ALMS1: variants seen among roughly 807,000 people sequenced by gnomAD.
ALMS1 encodes the protein centrosome-associated protein ALMS1.
Under a neutral mutation model 352.2 loss-of-function variants are expected in ALMS1, and 271 were observed. That is an observed-to-expected ratio of 0.77 (90% CI 0.70 to 0.85). ALMS1 has a LOEUF of 0.85. ALMS1 is among the 40% of genes least tolerant of loss of function. The pLI, the probability that ALMS1 is intolerant of heterozygous loss-of-function variation, is 0.00. For missense variants in ALMS1, 5,445 were observed against 4,870.7 expected (o/e 1.12, Z -3.51); for synonymous variants, 1,865 against 1,761.2 (o/e 1.06, Z -1.48).
At chr2:73,530,984 C>T (rs1673898082) in intron 11 of ALMS1, among the ~76,000 whole-genome samples, 1 of 151,988 alleles carries the variant, frequency 6.6e-6, no homozygotes, top group Admixed American at 6.5e-5. Flanking sequence ...AACCATTTTT[C>T]CCTCCTAGGC....
At chr2:73,497,874 C>G (rs896782808) in intron 10 of ALMS1, among the ~76,000 whole-genome samples, 2 of 151,798 alleles carry the variant, frequency 1.3e-5, no homozygotes, top group African/African-American at 4.8e-5. Flanking sequence ...TTAATGTCTT[C>G]TTTTTCTAGG....
chr2:73,543,849 A>G (rs1383003450), intron 12 of ALMS1, among the ~76,000 whole-genome samples: 1 of 152,228 alleles, frequency 6.6e-6, no homozygotes, highest in Non-Finnish European at 1.5e-5. Context: ...GGCGATCATT[A>G]AAAAGTCAGG....
intron 12 of ALMS1, among the ~76,000 whole-genome samples, chr2:73,541,744 A>T (rs1377222022): frequency 6.6e-6 from 1 of 152,252 alleles, no homozygotes. Context: ...AAACACCTCT[A>T]TGCGAATAAA....
At chr2:73,559,694 T>C (rs1674618490) in intron 15 of ALMS1, among the ~76,000 whole-genome samples, 1 of 152,132 alleles carries the variant, frequency 6.6e-6, no homozygotes, top group Admixed American at 6.6e-5. Flanking sequence ...ATACTGGATT[T>C]TGGAAATAGT....
At chr2:73,465,970 A>G (rs919433406) in intron 9 of ALMS1, among the ~76,000 whole-genome samples, 56 of 151,634 alleles carry the variant, frequency 3.7e-4, no homozygotes, top group Non-Finnish European at 6.3e-4. Flanking sequence ...GCGATCATTA[A>G]AAAGTCAGGA....
intron 16 of ALMS1, among the ~76,000 whole-genome samples, chr2:73,589,672 A>G (rs1675384266): frequency 6.6e-6 from 1 of 152,222 alleles, no homozygotes; most frequent in Non-Finnish European, 1.5e-5. Flanking sequence ...TGCTGTAAGT[A>G]TATATCTACA....
At chr2:73,426,609 C>G in intron 6 of ALMS1, 56 bp downstream of exon 6, 1 of 1,525,036 alleles carries the variant, frequency 6.6e-7, no homozygotes, top group East Asian at 2.3e-5. Context: ...AGTATTGTTT[C>G]AGGAAATGGT....
At chr2:73,446,761 G>T (rs1372559486) in intron 7 of ALMS1, among the ~76,000 whole-genome samples, 1 of 152,074 alleles carries the variant, frequency 6.6e-6, no homozygotes, top group Non-Finnish European at 1.5e-5. Flanking sequence ...CACTTAAAAT[G>T]TGGTCTGAGG....
rs1674987689 is a variant in ALMS1, at chr2:73,573,395, T to G, written c.11518T>G (p.Ser3840Ala). Residue 3840 changes from serine to alanine, a missense_variant, in exon 16 of 23, where the codon TCT becomes GCT. Ser to Ala is a moderately conservative substitution (Grantham distance 99, BLOSUM62 1). Coordinates refer to ENST00000613296, the MANE Select transcript of ALMS1 (RefSeq NM_001378454.1). ...VLNTGHPLVT[S>A]EHTRRRHIQV... ...GAATACAGGTCATCCCCTAGTGACT[T>G]CTGAGCACACCAGAAGGAGACACAT... is the stretch of plus-strand genomic sequence containing the variant. 1.9e-6 allele frequency: 3 copies of G among 1,613,886 alleles called. No individual in the cohort carries two copies. The South Asian group carries it at 3.3e-5, about 18-fold the overall frequency.
chr2:73,427,536 G>A lies in ALMS1; in HGVS notation c.1338+983G>A, dbSNP rs1442098706. Among the ~76,000 whole-genome samples the A allele has an allele frequency of 4.6e-5, 7 of 151,648 alleles. No homozygotes were observed. The East Asian group carries it at 9.7e-4, about 21-fold the overall frequency. ...AAGTTCTGGGGCACATGTGCAGAAC[G>A]TGCAGGTTTGTTACATAGGTATACA... On this transcript the variant is annotated intron_variant, in intron 6 of 22. Coordinates refer to ENST00000613296, the MANE Select transcript of ALMS1 (RefSeq NM_001378454.1).
chr2:73,388,084 T>G (rs1417613016), intron 1 of ALMS1, among the ~76,000 whole-genome samples: 1 of 151,902 alleles, frequency 6.6e-6, no homozygotes. Context: ...ATGAGTTTGG[T>G]TTTGAAGATT....
chr2:73,404,737 A>G (rs919288015), intron 1 of ALMS1, among the ~76,000 whole-genome samples: 8 of 151,848 alleles, frequency 5.3e-5, no homozygotes, highest in African/African-American at 1.7e-4. Flanking sequence ...ATAGTCTTCT[A>G]ATGTCTTTGT....
intron 4 of ALMS1, among the ~76,000 whole-genome samples, chr2:73,424,169 C>T (rs1671334577): frequency 6.6e-6 from 1 of 152,086 alleles, no homozygotes; most frequent in Non-Finnish European, 1.5e-5. Context: ...TTATGAAAAT[C>T]ACATTCTGTG....
Position 73,426,477 on chromosome 2 carries a change from C to G in ALMS1, c.1262C>G (p.Ser421Cys), listed in dbSNP as rs1401258012. ...GAGGGCCTGCAGGGGAAGGTTGAGT[C>G]TGACGTCATTACTCTGGATGGCCTA... ...LTKGLQGKVE[S>C]DVITLDGLNE... Residue 421 changes from serine to cysteine, a missense_variant, in exon 6 of 23, where the codon TCT becomes TGT. By Grantham distance (112) the Ser-to-Cys change is moderately radical (BLOSUM62 -1). Coordinates refer to ENST00000613296, the MANE Select transcript of ALMS1 (RefSeq NM_001378454.1). The G allele has an allele frequency of 6.2e-7, 1 of 1,614,090 alleles. No homozygotes were observed. Among genetic ancestry groups the G allele is most frequent in the Non-Finnish European group, 8.5e-7 (1 of 1,179,970 alleles).
At chr2:73,595,753 A>C (rs967391727) in intron 16 of ALMS1, among the ~76,000 whole-genome samples, 2 of 152,186 alleles carry the variant, frequency 1.3e-5, no homozygotes, top group Non-Finnish European at 2.9e-5. Flanking sequence ...TCTCGCCTGC[A>C]ATGTGTGAGG....
At chr2:73,496,832 A>G (rs13384952) in intron 10 of ALMS1, among the ~76,000 whole-genome samples, 39,663 of 152,026 alleles carry the variant, frequency 0.26, 5,688 homozygotes, top group African/African-American at 0.38. Context: ...TTAATGGCTA[A>G]TTATTATGAA....
rs973778962 is a variant in ALMS1, at chr2:73,426,691, T to C, written c.1338+138T>C. ...CAATGTCATTTGACTGGTGAGTACATTGAGCTAGCAGCTTTAGAGAAATTT... is the reference window on the plus strand; with the variant it reads ...CAATGTCATTTGACTGGTGAGTACACTGAGCTAGCAGCTTTAGAGAAATTT... On this transcript the variant is annotated intron_variant, in intron 6 of 22. Coordinates refer to ENST00000613296, the MANE Select transcript of ALMS1 (RefSeq NM_001378454.1). 3.6e-6 allele frequency: 3 copies of C among 844,272 alleles called. No homozygotes were observed. In the African/African-American group the frequency reaches 5.0e-5, roughly 14 times the overall value. 52.3% of individuals were successfully genotyped at this position (844,272 alleles called of 1,614,324 possible).
At chr2:73,566,526 A>G (rs1399166086) in intron 15 of ALMS1, among the ~76,000 whole-genome samples, 3 of 152,222 alleles carry the variant, frequency 2.0e-5, no homozygotes, top group Non-Finnish European at 1.5e-5. Flanking sequence ...AAAAATCATG[A>G]ATTGTTTCTG....
At chr2:73,608,664 T>A in intron 22 of ALMS1, 90 bp downstream of exon 22, 1 of 1,048,040 alleles carries the variant, frequency 9.5e-7, no homozygotes, top group Middle Eastern at 2.1e-4. Flanking sequence ...GAGTGTGAAG[T>A]CAGAATGAAC....
Sources: allele counts gnomAD v4.1 joint callset (sites outside exome capture counted in the v4.1 genomes callset), GRCh38; gene constraint gnomAD v4.1.1; transcripts MANE v1.5; gene names NCBI Gene and HGNC (gene_info 2026-07-23, HGNC 2026-07-21).